Variants in FANCB observed in about 807,000 individuals in gnomAD.
FANCB encodes the protein FA complementation group B, also known as Fanconi anemia group B protein.
FANCB carries 5 observed loss-of-function variants against 38.9 expected under a neutral mutation model. That is an observed-to-expected ratio of 0.13 (90% confidence interval 0.07 to 0.27). The LOEUF (loss-of-function observed/expected upper bound fraction) is 0.27. FANCB is among the 10% of genes least tolerant of loss of function. The pLI, the probability that FANCB is intolerant of heterozygous loss-of-function variation, is 1.00. For missense variants in FANCB, 573 were observed against 602.7 expected, an observed-to-expected ratio of 0.95 and a Z score of 0.52; for synonymous variants, 236 against 215.4, an observed-to-expected ratio of 1.10 and a Z score of -0.84.
the FANCB span, among the ~76,000 whole-genome samples, chrX:14,798,521 AC>A: frequency 4.5e-5 from 5 of 112,334 alleles, no homozygotes; most frequent in Non-Finnish European, 9.4e-5. Flanking sequence ...GAGGTATGAT[AC>A]CCAAAAGGAG....
chrX:14,835,031 T>C (rs2092337546), downstream of FANCB: 3 of 585,261 alleles, frequency 5.1e-6, no homozygotes, highest in East Asian at 3.3e-5. Flanking sequence ...GTAAGAGCGC[T>C]GGTGGTGTTA....
the FANCB span, among the ~76,000 whole-genome samples, chrX:14,830,639 G>A: frequency 1.8e-5 from 2 of 111,605 alleles, no homozygotes; most frequent in African/African-American, 6.5e-5. Context: ...GACCACTCTA[G>A]CAATACCCTC....
the FANCB span, among the ~76,000 whole-genome samples, chrX:14,722,660 A>G: frequency 2.0e-4 from 22 of 111,708 alleles, no homozygotes; most frequent in South Asian, 7.5e-4. Context: ...TGACTTCTAT[A>G]TGACATATGG....
intron 4 of FANCB, 46 bp from the exon 5 acceptor site, chrX:14,858,000 C>G (rs749814178): frequency 4.7e-6 from 4 of 848,834 alleles, no homozygotes; most frequent in Non-Finnish European, 6.9e-6. Context: ...TGAAATTTTG[C>G]AACAATTGAA....
intron 6 of FANCB, among the ~76,000 whole-genome samples, chrX:14,852,582 A>C (rs1443166121): frequency 8.9e-6 from 1 of 111,852 alleles, no homozygotes; most frequent in East Asian, 2.8e-4. Flanking sequence ...AGAGGAAAAA[A>C]TAACCTTAGA....
At chrX:14,719,209 A>G in the FANCB span, among the ~76,000 whole-genome samples, 1 of 111,827 alleles carries the variant, frequency 8.9e-6, no homozygotes, top group African/African-American at 3.3e-5. Flanking sequence ...AATGACCTAT[A>G]AAAGACTTCA....
At chrX:14,752,466 A>G in the FANCB span, among the ~76,000 whole-genome samples, 2 of 112,506 alleles carry the variant, frequency 1.8e-5, no homozygotes, top group Non-Finnish European at 3.8e-5. Context: ...TTAGTCTAAG[A>G]TAAAATTAAG....
chrX:14,745,177 T>C, the FANCB span, among the ~76,000 whole-genome samples: 8 of 111,674 alleles, frequency 7.2e-5, no homozygotes, highest in African/African-American at 2.6e-4. Context: ...TGTTAAAAGA[T>C]AAACTTAGGC....
chrX:14,715,233 T>A, the FANCB span, among the ~76,000 whole-genome samples: 1 of 112,448 alleles, frequency 8.9e-6, no homozygotes, highest in Non-Finnish European at 1.9e-5. Flanking sequence ...GGACGGTGTT[T>A]CAAAAATAGA....
chrX:14,792,193 A>G, the FANCB span, among the ~76,000 whole-genome samples: 2 of 112,143 alleles, frequency 1.8e-5, no homozygotes, highest in South Asian at 7.4e-4. Context: ...ATATCTTGCT[A>G]AGAGCACTCC....
At chrX:14,765,959 T>TC in the FANCB span, among the ~76,000 whole-genome samples, 11 of 111,438 alleles carry the variant, frequency 9.9e-5, no homozygotes, top group African/African-American at 3.6e-4. Flanking sequence ...GGGCTGTTTC[T>TC]CCCCCCTCTC....
chrX:14,731,344 C>A, the FANCB span: 3 of 111,663 alleles, frequency 2.7e-5, no homozygotes, highest in Non-Finnish European at 5.7e-5. Context: ...TATATTTTTG[C>A]TTTGGCTATA....
chrX:14,844,509 T>C lies in FANCB; in HGVS notation c.2159A>G (p.Tyr720Cys), dbSNP rs758926056. The change falls in exon 9 of 10, where the codon TAT becomes TGT. Residue 720 changes from tyrosine (Y) to cysteine (C), a missense_variant. By Grantham distance (194) the Tyr-to-Cys change is radical. Coordinates refer to ENST00000650831, the MANE Select transcript of FANCB (RefSeq NM_001018113.3). ...ACAATTTAATATGCATTACCTGGAA[T>C]AGATTATTAAAATCCCTTCGAATGG... ...RTPFEGILII[Y>C]SRNQTVMFQC... The C allele has an allele frequency of 4.3e-6, 5 of 1,176,022 alleles. No homozygotes were observed. The highest frequency in any genetic ancestry group is 5.8e-6 in the Non-Finnish European group (5 of 862,889).
the FANCB span, among the ~76,000 whole-genome samples, chrX:14,753,131 A>C: frequency 3.6e-5 from 4 of 110,294 alleles, no homozygotes; most frequent in Non-Finnish European, 7.6e-5. Context: ...ATATAACCAC[A>C]ATTATAAAAT....
chrX:14,794,542 AT>A, the FANCB span, among the ~76,000 whole-genome samples: 1 of 112,183 alleles, frequency 8.9e-6, no homozygotes, highest in Non-Finnish European at 1.9e-5. Flanking sequence ...TTTCAAAATT[AT>A]TTCATTTAAT....
the FANCB span, among the ~76,000 whole-genome samples, chrX:14,771,582 C>T: frequency 1.9e-4 from 21 of 111,845 alleles, no homozygotes; most frequent in East Asian, 5.9e-3. Context: ...TTACAACATG[C>T]TCCTTTAGCT....
chrX:14,698,773 T>C, the FANCB span, among the ~76,000 whole-genome samples: 1 of 97,280 alleles, frequency 1.0e-5, no homozygotes, highest in East Asian at 3.3e-4. Flanking sequence ...ACCTCTGAAA[T>C]AACATACAGG....
chrX:14,868,533 G>C (rs1172235390), intron 2 of FANCB, among the ~76,000 whole-genome samples: 1 of 111,106 alleles, frequency 9.0e-6, no homozygotes, highest in African/African-American at 3.3e-5. Flanking sequence ...TTTTAAAAGA[G>C]TTGCTATCAT....
chrX:14,796,722 A>T, the FANCB span, among the ~76,000 whole-genome samples: 1 of 104,807 alleles, frequency 9.5e-6, no homozygotes, highest in Non-Finnish European at 2.0e-5. Flanking sequence ...ACACACATAT[A>T]CACAGAGAGA....
Sources: allele counts gnomAD v4.1 joint callset (sites outside exome capture counted in the v4.1 genomes callset), GRCh38; gene constraint gnomAD v4.1.1; transcripts MANE v1.5; gene names NCBI Gene and HGNC (gene_info 2026-07-23, HGNC 2026-07-21).